Variants in NUP160 observed in about 807,000 individuals in gnomAD.
NUP160 encodes the protein nucleoporin 160.
In NUP160, 94 loss-of-function variants were observed where a neutral mutation model predicts 196.9. The ratio of observed to expected loss-of-function variants is 0.48; its 90% CI spans 0.40 to 0.57. The LOEUF is 0.57. Ranked by LOEUF, NUP160 falls within the 20% of genes least tolerant of loss-of-function variation. The probability of loss-of-function intolerance (pLI) is 0.00; values close to 1 mark genes in which losing one functional copy is unlikely to be tolerated. For synonymous variants in NUP160, 605 were observed against 619.7 expected (o/e 0.98, Z 0.35); for missense variants, 1,638 against 1,748.3 (o/e 0.94, Z 1.13).
chr11:47,799,587 C>G (rs1357186366), intron 23 of NUP160, among the ~76,000 whole-genome samples: 3 of 151,740 alleles, frequency 2.0e-5, no homozygotes, highest in Non-Finnish European at 4.4e-5. Flanking sequence ...GCTCTGTTGC[C>G]CAGGCTGGAG....
Position 47,806,850 on chromosome 11 carries a change from C to T in NUP160, c.2446+220G>A, listed in dbSNP as rs76773781. The stretch of plus-strand genomic sequence containing the variant: ...ACACACACACACACACACACACACA[C>T]ACATATATATACCATATCCTTAACA... On this transcript the variant is annotated intron_variant, in intron 19 of 35. Coordinates refer to ENST00000378460, the Ensembl canonical transcript of NUP160. Among the ~76,000 whole-genome samples the T allele has an allele frequency of 0.022, 2,528 of 113,376 alleles. 56 individuals carry two copies. The highest frequency in any genetic ancestry group is 0.053 in the East Asian group (188 of 3,574). The allele number at this position is 113,376 out of a possible 152,430, so 74.4% of individuals were successfully genotyped here.
chr11:47,837,636 C>T lies in NUP160; in HGVS notation c.749-13G>A. On this transcript the variant is annotated splice_polypyrimidine_tract_variant and intron_variant, in intron 4 of 35. Transcript: ENST00000378460. ...ACTGACACCATACCTGCAATGATAT[C>T]CAAGGCACCTCTTGAACACACTTAG... The T allele has an allele frequency of 6.2e-7, 1 of 1,608,098 alleles. No homozygotes were observed. The highest frequency in any genetic ancestry group is 8.5e-7 in the Non-Finnish European group (1 of 1,174,558).
intron 13 of NUP160, among the ~76,000 whole-genome samples, chr11:47,813,948 G>A (rs1489834861): frequency 6.6e-6 from 1 of 151,498 alleles, no homozygotes; most frequent in Non-Finnish European, 1.5e-5. Flanking sequence ...GCGGGCGCCT[G>A]TAGTCCCAGC....
At chr11:47,801,341 T>A (rs1321010115) in intron 23 of NUP160, among the ~76,000 whole-genome samples, 1 of 152,032 alleles carries the variant, frequency 6.6e-6, no homozygotes, top group Non-Finnish European at 1.5e-5. Context: ...TAAAATATGT[T>A]TCTTTAATTT....
At position 47,812,044 on chromosome 11, in the gene NUP160, T is replaced by A; in HGVS notation, c.2241+20A>T. 2 of 1,612,864 alleles carry A rather than the reference T, an allele frequency of 1.2e-6. No individual in the cohort carries two copies. Among genetic ancestry groups the A allele is most frequent in the Non-Finnish European group, 1.7e-6 (2 of 1,179,332 alleles). ...TAACAGGTTTTAGATTTTACAAGTT[T>A]TCCCTCAAGCAGTACTTACAGCATC... On this transcript the variant is annotated intron_variant, in intron 17 of 35. Transcript: ENST00000378460.
chr11:47,796,065 A>T (rs989738562), intron 27 of NUP160: 4 of 208,670 alleles, frequency 1.9e-5, no homozygotes, highest in African/African-American at 9.3e-5. Flanking sequence ...GGGGCAGGAG[A>T]ATAATTTGAA....
At chr11:47,808,781 A>G (rs1044175950) in intron 17 of NUP160, among the ~76,000 whole-genome samples, 4 of 152,110 alleles carry the variant, frequency 2.6e-5, no homozygotes, top group African/African-American at 7.2e-5. Flanking sequence ...AAAAAGCTTA[A>G]CTTTCATTAA....
At chr11:47,797,863 G>T (rs1245459201) in exon 27 of NUP160, 1 of 1,612,078 alleles carries the variant, frequency 6.2e-7, no homozygotes, top group Non-Finnish European at 8.5e-7. Flanking sequence ...GCTCTAGCAC[G>T]TGACTCAATT....
chr11:47,824,982 C>G (rs945617210), intron 7 of NUP160, among the ~76,000 whole-genome samples: 1 of 151,814 alleles, frequency 6.6e-6, no homozygotes, highest in African/African-American at 2.4e-5. Context: ...ACTACAGGCG[C>G]CTGCCACCAC....
rs770525228 is a variant in NUP160 at position 47,847,832 on chromosome 11, G to C, written c.314+16C>G. 1 of 1,584,432 alleles carries C rather than the reference G, an allele frequency of 6.3e-7. No individual in the cohort carries two copies. Among genetic ancestry groups the C allele is most frequent in the Non-Finnish European group, 8.7e-7 (1 of 1,152,866 alleles). ...ACCCTACCTTCCAGGGGAGTTTGGC[G>C]AACCACAACACTTACCAATGAATGA... On this transcript the variant is annotated intron_variant, in intron 2 of 35. Coordinates refer to ENST00000378460, the Ensembl canonical transcript of NUP160.
intron 4 of NUP160, 78 bp from the exon 5 acceptor site, chr11:47,837,701 TC>T (rs1791665566): frequency 6.5e-6 from 7 of 1,084,482 alleles, no homozygotes; most frequent in Non-Finnish European, 1.0e-5. Context: ...ATGAACAAGG[TC>T]TTTATAATAG....
At chr11:47,832,629 TCATAGCCTCG>T (rs1852099846) in intron 7 of NUP160, among the ~76,000 whole-genome samples, 1 of 152,192 alleles carries the variant, frequency 6.6e-6, no homozygotes, top group South Asian at 2.1e-4. Flanking sequence ...TCAGCAGCAC[TCATAGCCTCG>T]CCCTGCCTGG....
At chr11:47,818,643 T>C (rs1034022312) in intron 10 of NUP160, among the ~76,000 whole-genome samples, 9 of 152,188 alleles carry the variant, frequency 5.9e-5, no homozygotes, top group Admixed American at 1.3e-4. Flanking sequence ...CCTAATGATT[T>C]TGACCAACTC....
chr11:47,842,549 C>T (rs1213926809), intron 2 of NUP160, among the ~76,000 whole-genome samples: 1 of 152,106 alleles, frequency 6.6e-6, no homozygotes, highest in Admixed American at 6.5e-5. Flanking sequence ...CATTCTAGGC[C>T]ACTGTTCCTC....
intron 19 of NUP160, 135 bp from the exon 20 acceptor site, chr11:47,806,447 A>G (rs1174142126): frequency 4.8e-6 from 3 of 622,382 alleles, no homozygotes; most frequent in Admixed American, 3.0e-5. Flanking sequence ...ACGGGTATAT[A>G]TCCAGTGGCA....
chr11:47,829,084 A>C (rs2135392174), intron 7 of NUP160, among the ~76,000 whole-genome samples: 1 of 152,330 alleles, frequency 6.6e-6, no homozygotes, highest in Middle Eastern at 3.4e-3. Flanking sequence ...AACAAAAGAA[A>C]AAATAGATAA....
At chr11:47,784,963 G>C in exon 33 of NUP160, 2 of 1,604,820 alleles carry the variant, frequency 1.2e-6, no homozygotes, top group Non-Finnish European at 1.7e-6. Context: ...GGCACTCCAT[G>C]AGACAAGAGC....
At chr11:47,829,636 A>G (rs756618563) in intron 7 of NUP160, among the ~76,000 whole-genome samples, 2 of 152,166 alleles carry the variant, frequency 1.3e-5, no homozygotes, top group African/African-American at 4.8e-5. Context: ...TTCAATAACA[A>G]AAAAGACAAA....
At chr11:47,835,941 T>C in intron 6 of NUP160, 132 bp from the exon 7 acceptor site, 1 of 750,406 alleles carries the variant, frequency 1.3e-6, no homozygotes, top group Non-Finnish European at 2.0e-6. Flanking sequence ...CCTTACAGGT[T>C]TTTGTTTCAA....
Sources: gnomAD v4.1 joint callset for allele counts (sites outside exome capture counted in the v4.1 genomes callset) on GRCh38, gnomAD v4.1.1 for gene constraint, MANE v1.5 for transcripts, NCBI Gene and HGNC (gene_info 2026-07-23, HGNC 2026-07-21) for gene names.